The following PDIA5 variants were observed in gnomAD, a reference collection of about 807,000 sequenced individuals.
The protein encoded by PDIA5 is protein disulfide-isomerase A5.
A neutral mutation model predicts 77.6 loss-of-function variants in PDIA5; 58 were observed. That is an observed-to-expected ratio of 0.75 (90% confidence interval 0.61 to 0.93). The LOEUF is 0.93. Among genes scored for constraint, PDIA5 ranks in the 40% least tolerant of loss-of-function variants. The pLI, the probability that PDIA5 is intolerant of heterozygous loss-of-function variation, is 0.00. For synonymous variants in PDIA5, 250 were observed against 252.1 expected, an observed-to-expected ratio of 0.99 and a Z score of 0.08; for missense variants, 630 against 647.7, an observed-to-expected ratio of 0.97 and a Z score of 0.30.
At position 123,089,293 on chromosome 3, in the gene PDIA5, T is replaced by C; in HGVS notation, c.168T>C (p.Ser56=). ...RNNVLVLYSK[S]EVAAENHLRL... ...ATGTACTGGTGCTTTACTCCAAATC[T>C]GGTGAGTGTCCCTTCCTGGCCTTGA... Residue 56 remains serine, a splice_region_variant and synonymous_variant, in exon 2 of 17, where the codon TCT becomes TCC. Transcript: ENST00000316218. 1 of 1,613,966 alleles carries C rather than the reference T, an allele frequency of 6.2e-7. No individual in the cohort carries two copies. The highest frequency in any genetic ancestry group is 8.5e-7 in the Non-Finnish European group (1 of 1,179,872).
chr3:123,125,608 G>A (rs1384293318), intron 10 of PDIA5, among the ~76,000 whole-genome samples: 2 of 152,208 alleles, frequency 1.3e-5, no homozygotes, highest in Non-Finnish European at 1.5e-5. Flanking sequence ...CCAAGATATG[G>A]AGGTTGAAAA....
At chr3:123,080,526 CA>C (rs1467912505) in intron 1 of PDIA5, among the ~76,000 whole-genome samples, 1 of 152,160 alleles carries the variant, frequency 6.6e-6, no homozygotes, top group Non-Finnish European at 1.5e-5. Context: ...TAGCTGGCAC[CA>C]GGTGACCAAA....
intron 8 of PDIA5, among the ~76,000 whole-genome samples, chr3:123,122,101 A>G (rs1935134381): frequency 6.6e-6 from 1 of 152,224 alleles, no homozygotes; most frequent in Non-Finnish European, 1.5e-5. Flanking sequence ...GTTTTGTAAG[A>G]AAGAAAGATT....
chr3:123,110,016 A>G (rs1222763209), intron 6 of PDIA5, among the ~76,000 whole-genome samples: 3 of 152,202 alleles, frequency 2.0e-5, no homozygotes, highest in Non-Finnish European at 4.4e-5. Flanking sequence ...TTATTATTCA[A>G]AAGAGAAAAC....
At chr3:123,119,666 CAG>C (rs937196250) in intron 8 of PDIA5, among the ~76,000 whole-genome samples, 6 of 152,178 alleles carry the variant, frequency 3.9e-5, no homozygotes, top group African/African-American at 1.4e-4. Context: ...TGAGTGACCA[CAG>C]GTGTCAATTG....
In PDIA5 at chr3:123,158,195, G is replaced by A. The variant is rs760468393; in HGVS notation, c.1345-3126G>A. Among the ~76,000 whole-genome samples the A allele has an allele frequency of 8.0e-4, 122 of 152,198 alleles. 1 individual carries two copies. Among genetic ancestry groups the A allele is most frequent in the African/African-American group, 9.7e-5 (4 of 41,450 alleles). ...ATATAACATATTTGATATTTACTGC[G>A]AGCTCTTCTTCCACTGAAAGCATTT... On this transcript the variant is annotated intron_variant, in intron 15 of 16. Coordinates refer to ENST00000316218, the MANE Select transcript of PDIA5 (RefSeq NM_006810.4).
At chr3:123,071,852 G>A (rs965644990) in intron 1 of PDIA5, among the ~76,000 whole-genome samples, 36 of 152,174 alleles carry the variant, frequency 2.4e-4, no homozygotes, top group Admixed American at 6.5e-5. Context: ...CGTCAGCCCC[G>A]GTCCGTGTTT....
intron 13 of PDIA5, 95 bp downstream of exon 13, chr3:123,146,354 C>G: frequency 9.4e-7 from 1 of 1,059,166 alleles, no homozygotes; most frequent in Non-Finnish European, 1.4e-6. Context: ...TGGTCAATGT[C>G]CTGGGCTCAT....
rs1308718253 is a variant in PDIA5, at chr3:123,082,016, C to T, written c.43-7152C>T. Among the ~76,000 whole-genome samples the T allele has an allele frequency of 6.6e-5, 10 of 152,196 alleles. No homozygotes were observed. In the East Asian group the frequency reaches 1.7e-3, roughly 26 times the overall value. Reference sequence around the variant, plus strand: ...AGGACCACACACTTCCTGCACACAGCCTCTGGCTGGAAACAGACCTGGGCT... The same window carrying T: ...AGGACCACACACTTCCTGCACACAGTCTCTGGCTGGAAACAGACCTGGGCT... On this transcript the variant is annotated intron_variant, in intron 1 of 16. Coordinates refer to ENST00000316218, the MANE Select transcript of PDIA5 (RefSeq NM_006810.4).
chr3:123,084,160 C>A (rs1934077984), intron 1 of PDIA5, among the ~76,000 whole-genome samples: 1 of 152,140 alleles, frequency 6.6e-6, no homozygotes, highest in African/African-American at 2.4e-5. Context: ...TTCTCCTGTG[C>A]CCACTAACGC....
chr3:123,099,881 G>A (rs1461308460), intron 3 of PDIA5, among the ~76,000 whole-genome samples: 1 of 152,276 alleles, frequency 6.6e-6, no homozygotes, highest in East Asian at 1.9e-4. Context: ...ATGGAAGAGA[G>A]AGGAGCATGG....
intron 7 of PDIA5, among the ~76,000 whole-genome samples, 178 bp downstream of exon 7, chr3:123,111,182 C>T (rs1293441955): frequency 6.6e-6 from 1 of 152,210 alleles, no homozygotes; most frequent in East Asian, 1.9e-4. Flanking sequence ...CATCTGGCTC[C>T]TCCCCTCCTG....
intron 4 of PDIA5, 108 bp from the exon 5 acceptor site, chr3:123,102,643 C>A: frequency 8.9e-7 from 1 of 1,126,262 alleles, no homozygotes; most frequent in Non-Finnish European, 1.3e-6. Flanking sequence ...AAAAAAAATC[C>A]TGAACTCCGT....
At chr3:123,133,608 A>T (rs754910698) in intron 11 of PDIA5, among the ~76,000 whole-genome samples, 5 of 152,246 alleles carry the variant, frequency 3.3e-5, no homozygotes, top group African/African-American at 7.2e-5. Flanking sequence ...TCCCCTGGAT[A>T]CATTGTGACT....
At chr3:123,125,111 G>C (rs1055192865) in intron 10 of PDIA5, among the ~76,000 whole-genome samples, 1 of 152,090 alleles carries the variant, frequency 6.6e-6, no homozygotes, top group Non-Finnish European at 1.5e-5. Context: ...ACAGGCTCAC[G>C]ATGTCCCCTT....
Position 123,116,308 on chromosome 3 carries a change from G to A in PDIA5, c.609+10G>A. The A allele has an allele frequency of 6.2e-7, 1 of 1,610,684 alleles. No homozygotes were observed. The highest frequency in any genetic ancestry group is 8.5e-7 in the Non-Finnish European group (1 of 1,178,190). On this transcript the variant is annotated intron_variant, in intron 8 of 16. Transcript: ENST00000316218. ...GCTGCGAGGCCACGCCGTAAGTGAGGCGCCATTGCCTGGCAGGGCTGGGTC... is the reference window on the plus strand; with the variant it reads ...GCTGCGAGGCCACGCCGTAAGTGAGACGCCATTGCCTGGCAGGGCTGGGTC...
intron 8 of PDIA5, among the ~76,000 whole-genome samples, chr3:123,117,374 T>TTATATA (rs370968904): frequency 0.014 from 1,152 of 79,786 alleles, 71 homozygotes; most frequent in Middle Eastern, 0.029. Flanking sequence ...TTCTATGATT[T>TTATATA]TATATATATA....
chr3:123,116,320 G>A (rs749101840), intron 8 of PDIA5, 22 bp downstream of exon 8: 1 of 1,602,014 alleles, frequency 6.2e-7, no homozygotes, highest in South Asian at 1.1e-5. Flanking sequence ...GCCATTGCCT[G>A]GCAGGGCTGG....
intron 13 of PDIA5, among the ~76,000 whole-genome samples, chr3:123,149,746 G>A (rs1935846374): frequency 6.6e-6 from 1 of 152,316 alleles, no homozygotes; most frequent in African/African-American, 2.4e-5. Context: ...GAGGGGTTTA[G>A]TAACTTACCT....
Sources: gnomAD v4.1 joint callset for allele counts (sites outside exome capture counted in the v4.1 genomes callset) on GRCh38, gnomAD v4.1.1 for gene constraint, MANE v1.5 for transcripts, NCBI Gene and HGNC (gene_info 2026-07-23, HGNC 2026-07-21) for gene names.